HSPA8: variants seen among roughly 807,000 people sequenced by gnomAD.
The protein encoded by HSPA8 is heat shock protein family A (Hsp70) member 8.
Under a neutral mutation model 52.8 loss-of-function variants are expected in HSPA8, and 2 were observed. The ratio of observed to expected loss-of-function variants is 0.04; its 90% CI spans 0.02 to 0.12. The LOEUF (loss-of-function observed/expected upper bound fraction) is 0.12. HSPA8 is among the 10% of genes least tolerant of loss of function. The probability of loss-of-function intolerance (pLI) is 1.00; values close to 1 mark genes in which losing one functional copy is unlikely to be tolerated. For synonymous variants in HSPA8, 436 were observed against 274.0 expected, an observed-to-expected ratio of 1.59 and a Z score of -5.84; for missense variants, 349 against 800.5, an observed-to-expected ratio of 0.44 and a Z score of 6.81.
chr11:123,060,707 G>A lies in HSPA8; in HGVS notation c.297C>T (p.Gly99=), dbSNP rs201223120. The stretch of plus-strand genomic sequence containing the variant: ...TGTATTCTACTTGGACCTTGGGCCT[G>A]CCAGCATCATTCACCACCATAAAGG... ...HWPFMVVNDA[G]RPKVQVEYKG... The change falls in exon 3 of 9, where the codon GGC becomes GGT. Residue 99 remains glycine (G), a synonymous_variant. Transcript: ENST00000534624. 305 of 1,613,672 alleles carry A rather than the reference G, an allele frequency of 1.9e-4. 1 individual carries two copies. The Middle Eastern group carries it at 2.3e-3, about 12-fold the overall frequency.
Position 123,057,498 on chromosome 11 carries a change from G to A in HSPA8, c.*236C>T, listed in dbSNP as rs951133136. 33 of 411,104 alleles carry A rather than the reference G, an allele frequency of 8.0e-5. No individual in the cohort carries two copies. The highest frequency in any genetic ancestry group is 1.3e-4 in the Non-Finnish European group (30 of 232,750). 25.5% of individuals were successfully genotyped at this position (411,104 alleles called of 1,614,324 possible). A position where few individuals can be genotyped will look rare whatever the true frequency, so the allele number is the denominator to read the frequency against. The stretch of plus-strand genomic sequence containing the variant: ...TAAAGACTCAAAGCAATTGTATGGT[G>A]CCAATTTTAAATAGTTTTATTTAAG... On this transcript the variant is annotated 3_prime_UTR_variant, in exon 9 of 9. Transcript: ENST00000534624.
chr11:123,060,587 C>A lies in HSPA8; in HGVS notation c.411+6G>T. 2 of 1,611,104 alleles carry A rather than the reference C, an allele frequency of 1.2e-6. No homozygotes were observed. The highest frequency in any genetic ancestry group is 2.2e-5 in the South Asian group (2 of 91,024). On this transcript the variant is annotated splice_donor_region_variant and intron_variant, in intron 3 of 8. Transcript: ENST00000534624. ...AATGCACCCCATACTGAAAAACCAA[C>A]CTCACCTTCCCAAGGTAGGCTTCTG...
intron 8 of HSPA8, 26 bp from the exon 9 acceptor site, chr11:123,057,945 G>C (rs776578052): frequency 2.1e-5 from 32 of 1,542,380 alleles, no homozygotes; most frequent in African/African-American, 2.8e-5. Flanking sequence ...AGGAATTACT[G>C]CAAGTTCTTT....
rs374297018 is a variant in HSPA8, at chr11:123,058,500, A to T, written c.1523-16T>A. ...CTCAAACGGCCTAGGAAAGAAATTAACTCTAAGTAAAAGCCTTAAATTACC... is the reference window on the plus strand; with the variant it reads ...CTCAAACGGCCTAGGAAAGAAATTATCTCTAAGTAAAAGCCTTAAATTACC... On this transcript the variant is annotated splice_polypyrimidine_tract_variant and intron_variant, in intron 7 of 8. Transcript: ENST00000534624. The T allele has an allele frequency of 6.2e-7, 1 of 1,610,264 alleles. No homozygotes were observed. Among genetic ancestry groups the T allele is most frequent in the Non-Finnish European group, 8.5e-7 (1 of 1,176,788 alleles).
Position 123,062,083 on chromosome 11 carries a change from C to G in HSPA8, c.-25G>C, listed in dbSNP as rs1865530089. On this transcript the variant is annotated 5_prime_UTR_variant, in exon 1 of 9. Coordinates refer to ENST00000534624, the MANE Select transcript of HSPA8 (RefSeq NM_006597.6). ...TTTTACCTGGGGTGTAGGCCTGGCT[C>G]CAATAACGAAGGAAGCCACAAAAAA... 6.5e-6 allele frequency: 1 copy of G among 152,886 alleles called. No individual in the cohort carries two copies. The highest frequency in any genetic ancestry group is 1.5e-5 in the Non-Finnish European group (1 of 68,650). 9.5% of individuals were successfully genotyped at this position (152,886 alleles called of 1,614,324 possible). A position where few individuals can be genotyped will look rare whatever the true frequency, so the allele number is the denominator to read the frequency against.
intron 2 of HSPA8, 26 bp from the exon 3 acceptor site, chr11:123,060,824 C>G (rs1449556580): frequency 2.7e-6 from 4 of 1,457,470 alleles, no homozygotes; most frequent in East Asian, 2.3e-5. Context: ...AATGAAAACA[C>G]TTTCAATTTC....
intron 8 of HSPA8, 154 bp downstream of exon 8, chr11:123,058,098 G>A: frequency 1.4e-6 from 1 of 708,990 alleles, no homozygotes; most frequent in South Asian, 1.9e-5. Context: ...TCCAAGGAAG[G>A]TAGTTGCCAA....
At position 123,058,236 on chromosome 11, in the gene HSPA8, A is replaced by AAAC. The variant is rs761870297; in HGVS notation, c.1755+15_1755+16insGTT. On this transcript the variant is annotated intron_variant, in intron 8 of 8. Coordinates refer to ENST00000534624, the MANE Select transcript of HSPA8 (RefSeq NM_006597.6). ...CATTGAGTGGGGGAGGAAAAAAAAA[A>AAAC]AAAAAAAACACAAACCTGATTCTTA... is the stretch of plus-strand genomic sequence containing the variant. The AAAC allele has an allele frequency of 6.7e-7, 1 of 1,492,618 alleles. No individual in the cohort carries two copies. Among genetic ancestry groups the AAAC allele is most frequent in the African/African-American group, 1.4e-5 (1 of 70,222 alleles). 92.5% of individuals were successfully genotyped at this position (1,492,618 alleles called of 1,614,324 possible). A position where few individuals can be genotyped will look rare whatever the true frequency, so the allele number is the denominator to read the frequency against.
Position 123,061,346 on chromosome 11 carries a change from T to C in HSPA8, c.-5-17A>G, listed in dbSNP as rs1591440059. The C allele has an allele frequency of 1.3e-6, 2 of 1,592,708 alleles. No homozygotes were observed. Among genetic ancestry groups the C allele is most frequent in the Non-Finnish European group, 1.7e-6 (2 of 1,162,226 alleles). On this transcript the variant is annotated splice_polypyrimidine_tract_variant and intron_variant, in intron 1 of 8. Coordinates refer to ENST00000534624, the MANE Select transcript of HSPA8 (RefSeq NM_006597.6). The stretch of plus-strand genomic sequence containing the variant: ...ACATGGTTGCTGAAAAAAAGAAAAA[T>C]CTGGTTTAAAAATTCAATTAATCAA...
Position 123,059,150 on chromosome 11 carries a change from G to C in HSPA8, c.1232C>G (p.Thr411Ser), listed in dbSNP as rs1480411360. The part of the protein sequence containing the change: ...LGIETAGGVM[T>S]VLIKRNTTIP... ...GGTGGTATTACGCTTGATGAGGACAGTCATGACTCCACCAGCAGTTTCAAT... is the reference window on the plus strand; with the variant it reads ...GGTGGTATTACGCTTGATGAGGACACTCATGACTCCACCAGCAGTTTCAAT... Residue 411 changes from threonine to serine, a missense_variant, in exon 6 of 9, where the codon ACT becomes AGT. Thr to Ser is a moderately conservative substitution (Grantham distance 58, BLOSUM62 1). Transcript: ENST00000534624. 6.2e-7 allele frequency: 1 copy of C among 1,612,110 alleles called. No individual in the cohort carries two copies. The highest frequency in any genetic ancestry group is 2.2e-5 in the East Asian group (1 of 44,882).
At position 123,059,486 on chromosome 11, in the gene HSPA8, A is replaced by C. The variant is rs1375578037; in HGVS notation, c.1107T>G (p.Val369=). 3.1e-6 allele frequency: 5 copies of C among 1,613,388 alleles called. No individual in the cohort carries two copies. The highest frequency in any genetic ancestry group is 4.2e-6 in the Non-Finnish European group (5 of 1,179,708). ...LNKSINPDEA[V]AYGAAVQAAI... ...TACCATTGTTACCTGCACCATAAGC[A>C]ACAGCTTCATCAGGGTTGATGCTCT... Residue 369 remains valine (V), a synonymous_variant, in exon 5 of 9, where the codon GTT becomes GTG. Coordinates refer to ENST00000534624, the MANE Select transcript of HSPA8 (RefSeq NM_006597.6).
chr11:123,058,934 T>A lies in HSPA8; in HGVS notation c.1324-104A>T. The A allele has an allele frequency of 3.6e-6, 5 of 1,395,138 alleles. No individual in the cohort carries two copies. In the South Asian group the frequency reaches 5.9e-5, roughly 17 times the overall value. The allele number at this position is 1,395,138 out of a possible 1,614,324, so 86.4% of individuals were successfully genotyped here. ...TCGCTCAAACATCCAAGGAAGGAAC[T>A]GGCCAACATAAGACTTTCTGGTGGA... On this transcript the variant is annotated intron_variant, in intron 6 of 8. Transcript: ENST00000534624.
chr11:123,060,054 A>G (rs780263669), intron 4 of HSPA8, 26 bp from the exon 5 acceptor site: 1 of 1,614,092 alleles, frequency 6.2e-7, no homozygotes, highest in Non-Finnish European at 8.5e-7. Context: ...ATCTCATTTA[A>G]ATTTACGATG....
chr11:123,061,026 T>C (rs1865483410), intron 2 of HSPA8, 94 bp downstream of exon 2: 8 of 1,135,440 alleles, frequency 7.0e-6, no homozygotes, highest in South Asian at 4.0e-5. Flanking sequence ...GCTCAGTTTT[T>C]CTAAAATCAA....
rs753289525 is a variant in HSPA8, at chr11:123,061,337, A to C, written c.-5-8T>G. On this transcript the variant is annotated splice_region_variant and splice_polypyrimidine_tract_variant and intron_variant, in intron 1 of 8. Transcript: ENST00000534624. ...GTCCCTTGGACATGGTTGCTGAAAA[A>C]AAGAAAAATCTGGTTTAAAAATTCA... is the stretch of plus-strand genomic sequence containing the variant. 4 of 1,606,426 alleles carry C rather than the reference A, an allele frequency of 2.5e-6. No individual in the cohort carries two copies. Among genetic ancestry groups the C allele is most frequent in the Non-Finnish European group, 2.6e-6 (3 of 1,173,884 alleles).
Position 123,059,865 on chromosome 11 carries a change from G to A in HSPA8, c.728C>T (p.Ala243Val). 1 of 1,613,308 alleles carries A rather than the reference G, an allele frequency of 6.2e-7. No individual in the cohort carries two copies. Among genetic ancestry groups the A allele is most frequent in the Non-Finnish European group, 8.5e-7 (1 of 1,179,880 alleles). Residue 243 changes from alanine to valine, a missense_variant, in exon 5 of 9, where the codon GCT (alanine) becomes GTT (valine). By Grantham distance (64) the Ala-to-Val change is moderately conservative. Coordinates refer to ENST00000534624, the MANE Select transcript of HSPA8 (RefSeq NM_006597.6). The part of the protein sequence containing the change: ...FDNRMVNHFI[A>V]EFKRKHKKDI... ...CTTCTTATGCTTGCGCTTAAACTCA[G>A]CAATAAAATGGTTGACCATTCGGTT...
intron 3 of HSPA8, 107 bp from the exon 4 acceptor site, chr11:123,060,375 C>T: frequency 1.8e-6 from 2 of 1,121,808 alleles, no homozygotes; most frequent in East Asian, 2.4e-5. Flanking sequence ...GCACCCCCCC[C>T]ACCAAAATGT....
In HSPA8 at chr11:123,060,981, C is replaced by A. The variant is rs779160391; in HGVS notation, c.205+139G>T. 12 of 915,406 alleles carry A rather than the reference C, an allele frequency of 1.3e-5. No individual in the cohort carries two copies. The African/African-American group carries it at 1.5e-4, about 12-fold the overall frequency. The allele number at this position is 915,406 out of a possible 1,614,324, so 56.7% of individuals were successfully genotyped here. Reference sequence around the variant, plus strand: ...ATTTCAGCCTGAAAGGTTTCTACAACCTGTTTTATAACAGACTTGATAACA... The same window carrying A: ...ATTTCAGCCTGAAAGGTTTCTACAAACTGTTTTATAACAGACTTGATAACA... On this transcript the variant is annotated intron_variant, in intron 2 of 8. Coordinates refer to ENST00000534624, the MANE Select transcript of HSPA8 (RefSeq NM_006597.6).
At chr11:123,060,485 G>A (rs2135445427) in intron 3 of HSPA8, 108 bp downstream of exon 3, 1 of 981,212 alleles carries the variant, frequency 1.0e-6, no homozygotes, top group East Asian at 2.4e-5. Flanking sequence ...TCTTAACCCT[G>A]AGCTGAGCCC....
Sources: gnomAD v4.1 joint callset for allele counts on GRCh38, gnomAD v4.1.1 for gene constraint, MANE v1.5 for transcripts, NCBI Gene and HGNC (gene_info 2026-07-23, HGNC 2026-07-21) for gene names.